PIWIL1: variants seen among roughly 807,000 people sequenced by gnomAD.
The protein encoded by PIWIL1 is piwi like RNA-mediated gene silencing 1.
In PIWIL1, 73 loss-of-function variants were observed where a neutral mutation model predicts 114.4. The ratio of observed to expected loss-of-function variants is 0.64; its 90% confidence interval spans 0.53 to 0.78. PIWIL1 has a LOEUF of 0.78. Ranked by LOEUF, PIWIL1 falls within the 30% of genes least tolerant of loss-of-function variation. The pLI is 0.00. For synonymous variants in PIWIL1, 375 were observed against 369.0 expected (o/e 1.02, Z -0.19); for missense variants, 723 against 1,063.1 (o/e 0.68, Z 4.45).
At chr12:130,424,181 G>A in the PIWIL1 span, 27 of 1,232,040 alleles carry the variant, frequency 2.2e-5, no homozygotes, top group African/African-American at 3.1e-5. This position sits in a 1 kb window ranked among gnomAD's most constrained non-coding sequence, Gnocchi z 9.8. Flanking sequence ...GCTTTGCGTG[G>A]GGGGCAGCTG....
intron 11 of PIWIL1, 130 bp downstream of exon 11, chr12:130,355,135 G>A: frequency 1.4e-6 from 1 of 696,250 alleles, no homozygotes; most frequent in Non-Finnish European, 2.6e-6. Context: ...ATTTGGGGTG[G>A]GCTTGTTCTT....
At chr12:130,376,703 C>T (rs1265721958), downstream of PIWIL1, among the ~76,000 whole-genome samples, 4 of 152,218 alleles carry the variant, frequency 2.6e-5, no homozygotes, top group Non-Finnish European at 5.9e-5. Flanking sequence ...AATACGAGTA[C>T]CTGTCCACTA....
the PIWIL1 span, among the ~76,000 whole-genome samples, chr12:130,411,084 T>C: frequency 1.3e-5 from 2 of 152,358 alleles, no homozygotes; most frequent in South Asian, 4.1e-4. Context: ...TAATGCTAAG[T>C]AGTTCATGTT....
chr12:130,422,419 T>C, the PIWIL1 span: 2 of 1,488,270 alleles, frequency 1.3e-6, no homozygotes, highest in East Asian at 4.6e-5. The surrounding 1 kb of genome is among the most constrained non-coding windows in gnomAD (Gnocchi z 5.2). Flanking sequence ...GCTCCGCGGC[T>C]GAAAGACACA....
chr12:130,345,024 G>T (rs2136131530), intron 3 of PIWIL1, among the ~76,000 whole-genome samples: 1 of 152,294 alleles, frequency 6.6e-6, no homozygotes, highest in Middle Eastern at 3.4e-3. Flanking sequence ...GAATTTTAAT[G>T]CTTGACTACA....
the PIWIL1 span, among the ~76,000 whole-genome samples, chr12:130,408,873 CA>C: frequency 6.6e-6 from 1 of 152,150 alleles, no homozygotes; most frequent in Non-Finnish European, 1.5e-5. Context: ...TCAGCAGGTA[CA>C]GGGGCCAGCT....
the PIWIL1 span, among the ~76,000 whole-genome samples, chr12:130,394,869 A>C: frequency 2.6e-4 from 39 of 152,242 alleles, no homozygotes; most frequent in Non-Finnish European, 5.3e-4. Flanking sequence ...TCTCATTTTG[A>C]ATATACATAG....
chr12:130,375,263 G>A (rs769376807), downstream of PIWIL1, among the ~76,000 whole-genome samples: 13 of 152,140 alleles, frequency 8.5e-5, no homozygotes, highest in Admixed American at 3.3e-4. Flanking sequence ...AATAAACACG[G>A]CTGGAGAAAA....
chr12:130,407,765 G>A, the PIWIL1 span: 2 of 1,614,200 alleles, frequency 1.2e-6, no homozygotes, highest in Non-Finnish European at 1.7e-6. Flanking sequence ...TGGGGTCGTA[G>A]TCATACAGGG....
chr12:130,342,284 C>T, intron 1 of PIWIL1: 1 of 366,968 alleles, frequency 2.7e-6, no homozygotes, highest in South Asian at 3.7e-5. Context: ...TCTTTCAGCA[C>T]TTTCTCCTCC....
the PIWIL1 span, among the ~76,000 whole-genome samples, chr12:130,421,865 G>T: frequency 6.6e-6 from 1 of 152,140 alleles, no homozygotes; most frequent in Non-Finnish European, 1.5e-5. Flanking sequence ...TGACTAAAAC[G>T]ATAGCTTTCA....
the PIWIL1 span, chr12:130,424,318 TGAG>T: frequency 7.1e-5 from 87 of 1,231,682 alleles, no homozygotes; most frequent in African/African-American, 1.1e-3. The surrounding 1 kb of genome is among the most constrained non-coding windows in gnomAD (Gnocchi z 9.8). Flanking sequence ...TCGTCGTTCC[TGAG>T]GAGGCCACCA....
chr12:130,414,552 C>A, the PIWIL1 span: 3 of 326,070 alleles, frequency 9.2e-6, no homozygotes, highest in Non-Finnish European at 1.7e-5. Context: ...CAGGGCTGGG[C>A]CTCGGGGGCC....
At chr12:130,358,902 T>C (rs1208999247) in intron 14 of PIWIL1, among the ~76,000 whole-genome samples, 1 of 152,146 alleles carries the variant, frequency 6.6e-6, no homozygotes, top group Non-Finnish European at 1.5e-5. Context: ...GGCCTGTCGT[T>C]GTTCACCATG....
chr12:130,408,068 T>G, the PIWIL1 span, among the ~76,000 whole-genome samples: 1 of 152,132 alleles, frequency 6.6e-6, no homozygotes, highest in African/African-American at 2.4e-5. Context: ...AACATGAACC[T>G]TTTCCTTCCT....
At chr12:130,399,532 C>G in the PIWIL1 span, 20 of 812,046 alleles carry the variant, frequency 2.5e-5, no homozygotes, top group Non-Finnish European at 3.6e-5. Context: ...TTAGGTACAA[C>G]TCCCATGGCT....
chr12:130,413,899 T>C, the PIWIL1 span, among the ~76,000 whole-genome samples: 2 of 152,300 alleles, frequency 1.3e-5, no homozygotes, highest in African/African-American at 4.8e-5. Context: ...ACAGGACATA[T>C]TTGGGTGTGT....
At chr12:130,392,158 G>A in the PIWIL1 span, among the ~76,000 whole-genome samples, 1 of 105,850 alleles carries the variant, frequency 9.4e-6, no homozygotes, top group African/African-American at 3.6e-5. Context: ...GTTACCTGGT[G>A]AATATTGAAT....
the PIWIL1 span, chr12:130,407,970 C>A: frequency 1.4e-6 from 1 of 711,974 alleles, no homozygotes; most frequent in Non-Finnish European, 2.5e-6. Flanking sequence ...TGGGCACTCA[C>A]ATCAGCAAAC....
Sources: gnomAD v4.1 joint callset for allele counts (sites outside exome capture counted in the v4.1 genomes callset) on GRCh38, gnomAD v4.1.1 for gene constraint, Gnocchi (gnomAD v3.1) non-coding constraint, MANE v1.5 for transcripts, NCBI Gene and HGNC (gene_info 2026-07-23, HGNC 2026-07-21) for gene names.